The following DCHS1 variants were observed in gnomAD, a reference collection of about 807,000 sequenced individuals.
The protein encoded by DCHS1 is dachsous cadherin-related 1, also known as protocadherin-16.
In DCHS1, 78 loss-of-function variants were observed where a neutral mutation model predicts 213.9. That is an observed-to-expected ratio of 0.36 (90% confidence interval 0.30 to 0.44). The LOEUF (loss-of-function observed/expected upper bound fraction) is 0.44. Among genes scored for constraint, DCHS1 ranks in the 20% least tolerant of loss-of-function variants. The probability of loss-of-function intolerance (pLI) is 1.00; values close to 1 mark genes in which losing one functional copy is unlikely to be tolerated. For synonymous variants in DCHS1, 1,828 were observed against 1,873.7 expected, an observed-to-expected ratio of 0.98 and a Z score of 0.63; for missense variants, 3,946 against 4,395.9, an observed-to-expected ratio of 0.90 and a Z score of 2.89.
At chr11:6,624,475 G>T (rs562775973) in intron 20 of DCHS1, 85 bp from the exon 21 acceptor site, 12 of 1,425,160 alleles carry the variant, frequency 8.4e-6, no homozygotes, top group Non-Finnish European at 1.1e-5. Context: ...TCTAGGAAAT[G>T]GTTTTGGAAG....
At position 6,652,153 on chromosome 11, in the gene DCHS1, T is replaced by C. The variant is rs1856254346; in HGVS notation, c.-121+3410A>G. Among the ~76,000 whole-genome samples the C allele has an allele frequency of 2.0e-5, 3 of 152,274 alleles. No homozygotes were observed. The South Asian group carries it at 6.2e-4, about 32-fold the overall frequency. Reference sequence around the variant, plus strand: ...GCTCCAGAAGAGATACATACCATAATGTAACTTTCCACTTATTTGCCTGTT... The same window carrying C: ...GCTCCAGAAGAGATACATACCATAACGTAACTTTCCACTTATTTGCCTGTT... On this transcript the variant is annotated intron_variant, in intron 1 of 20. Coordinates refer to ENST00000299441, the MANE Select transcript of DCHS1 (RefSeq NM_003737.4).
In DCHS1 at chr11:6,621,846, G is replaced by A. The variant is rs776676202; in HGVS notation, c.9830C>T (p.Pro3277Leu). The A allele has an allele frequency of 6.2e-7, 1 of 1,610,702 alleles. No homozygotes were observed. Among genetic ancestry groups the A allele is most frequent in the South Asian group, 1.1e-5 (1 of 90,318 alleles). ...CTCTGCGCTGAGTGCTGAGGCTGAG[G>A]GACCCTGGGCCACCCCAAATGGTGA... ...VVSPFGVAQG[P>L]SASALSAESG... Residue 3277 changes from proline to leucine, a missense_variant, in exon 21 of 21, where the codon CCC becomes CTC. This residue lies in a region of DCHS1 where 554 missense variants were observed against 590.2 expected (regional missense o/e 0.94). Transcript: ENST00000299441.
Position 6,636,655 on chromosome 11 carries a change from C to T in DCHS1, c.1798-2349G>A, listed in dbSNP as rs1044586724. ...ATGCCCATCTCTCCTGCTATGACTT[C>T]TTGATGCTACTTTTCCTGCTTCTCC... On this transcript the variant is annotated intron_variant, in intron 2 of 20. Transcript: ENST00000299441. Among the ~76,000 whole-genome samples, 11 of 152,270 alleles carry T rather than the reference C, an allele frequency of 7.2e-5. No individual in the cohort carries two copies. In the South Asian group the frequency reaches 2.3e-3, roughly 32 times the overall value.
In DCHS1 at chr11:6,623,774, A is replaced by G. The variant is rs757788133; in HGVS notation, c.7902T>C (p.His2634=). The change falls in exon 21 of 21, where the codon CAT becomes CAC. Residue 2634 remains histidine (H), a synonymous_variant. Coordinates refer to ENST00000299441, the MANE Select transcript of DCHS1 (RefSeq NM_003737.4). The part of the protein sequence containing the change: ...VEASDADPGP[H]GLVRFTVSSG... ...AGCTGACAGTGAAACGCACGAGGCC[A>G]TGAGGGCCAGGGTCAGCGTCAGAGG... is the stretch of plus-strand genomic sequence containing the variant. 17 of 1,613,992 alleles carry G rather than the reference A, an allele frequency of 1.1e-5. No homozygotes were observed. Among genetic ancestry groups the G allele is most frequent in the Non-Finnish European group, 1.4e-5 (16 of 1,179,906 alleles).
In DCHS1 at chr11:6,622,900, C is replaced by A; in HGVS notation, c.8776G>T (p.Ala2926Ser). The change falls in exon 21 of 21, where the codon GCA becomes TCA. Residue 2926 changes from alanine (A) to serine (S), a missense_variant. By Grantham distance (99) the Ala-to-Ser change is moderately conservative. Around this residue, in one of 3 missense-constraint regions of DCHS1, gnomAD observed 554 missense variants for 590.2 expected, o/e 0.94. Coordinates refer to ENST00000299441, the MANE Select transcript of DCHS1 (RefSeq NM_003737.4). The surrounding 1 kb of genome is among the most constrained non-coding windows in gnomAD (Gnocchi z 5.4). ...TTGAGGTCAGGTGCCAGGCCCAGTG[C>A]GGTGTGGGTGATATCCACGGTCACA... ...VPVTVDITHT[A>S]LGLAPDLNLL... is the part of the protein sequence containing the mutation. The A allele has an allele frequency of 1.9e-6, 3 of 1,596,572 alleles. No individual in the cohort carries two copies. The highest frequency in any genetic ancestry group is 2.6e-6 in the Non-Finnish European group (3 of 1,171,696).
In DCHS1 at chr11:6,631,214, G is replaced by C. The variant is rs375153840; in HGVS notation, c.3773-4C>G. 48 of 1,611,826 alleles carry C rather than the reference G, an allele frequency of 3.0e-5. No individual in the cohort carries two copies. The African/African-American group carries it at 4.9e-4, about 17-fold the overall frequency. ...GAGAAAAGCTCTGAGCCAGGACCTG[G>C]GGACAGGCAGAGGAAGATGAGGGCT... On this transcript the variant is annotated splice_region_variant and splice_polypyrimidine_tract_variant and intron_variant, in intron 8 of 20. Transcript: ENST00000299441.
chr11:6,633,604 C>A lies in DCHS1; in HGVS notation c.2263G>T (p.Val755Leu). The part of the protein sequence containing the change: ...AWPLARRANS[V>L]VQLEIGAEDG... ...TCAGCCCCGATCTCCAGCTGCACCA[C>A]AGAATTGGCCCGTCTGGCCAAGGGC... Residue 755 changes from valine to leucine, a missense_variant, in exon 5 of 21, where the codon GTG (valine) becomes TTG (leucine). Val to Leu is a conservative substitution (Grantham distance 32). Transcript: ENST00000299441. 1 of 1,599,288 alleles carries A rather than the reference C, an allele frequency of 6.3e-7. No individual in the cohort carries two copies. The highest frequency in any genetic ancestry group is 1.1e-5 in the South Asian group (1 of 88,958).
intron 1 of DCHS1, among the ~76,000 whole-genome samples, chr11:6,642,396 G>A (rs1166464809): frequency 6.6e-6 from 1 of 152,176 alleles, no homozygotes; most frequent in African/African-American, 2.4e-5. Context: ...TGAAGAAGGC[G>A]TACAAAGAGC....
rs1323813110 is a variant in DCHS1 at position 6,641,030 on chromosome 11, G to A, written c.584C>T (p.Thr195Ile). The A allele has an allele frequency of 1.2e-6, 2 of 1,613,872 alleles. No homozygotes were observed. Among genetic ancestry groups the A allele is most frequent in the Non-Finnish European group, 1.7e-6 (2 of 1,179,906 alleles). ...TGGAGTCCCATCTGGACCGGGGCGTGTCTCCAGCCGGAAGGTCTCTCCAGC... is the reference window on the plus strand; with the variant it reads ...TGGAGTCCCATCTGGACCGGGGCGTATCTCCAGCCGGAAGGTCTCTCCAGC... Reference protein sequence around the residue: ...DGAGETFRLETRPGPDGTPVP... With the variant: ...DGAGETFRLEIRPGPDGTPVP... The change falls in exon 2 of 21, where the codon ACA (threonine) becomes ATA (isoleucine). Residue 195 changes from threonine (T) to isoleucine (I), a missense_variant. Thr to Ile is a moderately conservative substitution (Grantham distance 89). This residue lies in a region of DCHS1 where 3,384 missense variants were observed against 3,780.1 expected (regional missense o/e 0.90). Coordinates refer to ENST00000299441, the MANE Select transcript of DCHS1 (RefSeq NM_003737.4). The surrounding 1 kb of genome is among the most constrained non-coding windows in gnomAD (Gnocchi z 7.1).
At position 6,624,726 on chromosome 11, in the gene DCHS1, G is replaced by C. The variant is rs923407513; in HGVS notation, c.7285+4C>G. 6.2e-7 allele frequency: 1 copy of C among 1,613,860 alleles called. No homozygotes were observed. Among genetic ancestry groups the C allele is most frequent in the Admixed American group, 1.7e-5 (1 of 60,004 alleles). ...GCAAGGGGCAGATCCTGGGAAAGAC[G>C]CACCATTGTTGGGGTCAACACTGAA... On this transcript the variant is annotated splice_donor_region_variant and intron_variant, in intron 20 of 20. Transcript: ENST00000299441.
At chr11:6,648,874 T>G (rs148279181) in intron 1 of DCHS1, among the ~76,000 whole-genome samples, 142 of 152,316 alleles carry the variant, frequency 9.3e-4, no homozygotes, top group African/African-American at 3.3e-3. Flanking sequence ...ATTATAGTGG[T>G]TAAGAAGGCA....
At position 6,634,115 on chromosome 11, in the gene DCHS1, T is replaced by C; in HGVS notation, c.1986+3A>G. On this transcript the variant is annotated splice_donor_region_variant and intron_variant, in intron 3 of 20. Coordinates refer to ENST00000299441, the MANE Select transcript of DCHS1 (RefSeq NM_003737.4). ...CCAACCTGCCCTTGGTCTACTGACT[T>C]ACCCCATCCACAGCTGTCACTGTGA... is the stretch of plus-strand genomic sequence containing the variant. 1 of 1,602,250 alleles carries C rather than the reference T, an allele frequency of 6.2e-7. No homozygotes were observed. The highest frequency in any genetic ancestry group is 8.5e-7 in the Non-Finnish European group (1 of 1,172,632).
chr11:6,623,873 G>C lies in DCHS1; in HGVS notation c.7803C>G (p.Val2601=). 1 of 1,611,142 alleles carries C rather than the reference G, an allele frequency of 6.2e-7. No homozygotes were observed. The highest frequency in any genetic ancestry group is 8.5e-7 in the Non-Finnish European group (1 of 1,177,706). ...TVLDVNDNPP[V]FTRASYRVTV... is the part of the protein sequence containing the mutation. ...TCACACGGTAGGATGCTCGGGTAAA[G>C]ACAGGTGGGTTGTCATTGACATCTA... Residue 2601 remains valine (V), a synonymous_variant, in exon 21 of 21, where the codon GTC becomes GTG. Transcript: ENST00000299441.
chr11:6,628,862 C>A lies in DCHS1; in HGVS notation c.5162-32G>T. On this transcript the variant is annotated intron_variant, in intron 12 of 20. Coordinates refer to ENST00000299441, the MANE Select transcript of DCHS1 (RefSeq NM_003737.4). The surrounding 1 kb of genome is among the most constrained non-coding windows in gnomAD (Gnocchi z 4.3). Reference sequence around the variant, plus strand: ...GGAAGCAAAATCAATGAGGTCTAGTCTGCCCTCACCACATGGAGAAATCCA... The same window carrying A: ...GGAAGCAAAATCAATGAGGTCTAGTATGCCCTCACCACATGGAGAAATCCA... 6.3e-7 allele frequency: 1 copy of A among 1,588,794 alleles called. No homozygotes were observed. The highest frequency in any genetic ancestry group is 1.1e-5 in the South Asian group (1 of 88,106).
In DCHS1 at chr11:6,632,463, T is replaced by A. The variant is rs779525379; in HGVS notation, c.3049A>T (p.Thr1017Ser). 1.0e-5 allele frequency: 16 copies of A among 1,594,716 alleles called. No individual in the cohort carries two copies. In the South Asian group the frequency reaches 1.8e-4, roughly 18 times the overall value. The change falls in exon 6 of 21, where the codon ACT (threonine) becomes TCT (serine). Residue 1017 changes from threonine to serine, a missense_variant. By Grantham distance (58) the Thr-to-Ser change is moderately conservative (BLOSUM62 1). Coordinates refer to ENST00000299441, the MANE Select transcript of DCHS1 (RefSeq NM_003737.4). The surrounding 1 kb of genome is among the most constrained non-coding windows in gnomAD (Gnocchi z 5.9). ...TGGGCCTGCACTTGCAGGACCTGAG[T>A]TCCAGCAGTGGTGCCTGAGGGCAGG... ...VDLPSGTTAG[T>S]QVLQVQAQAP... is the part of the protein sequence containing the mutation.
In DCHS1 at chr11:6,625,587, C is replaced by G. The variant is rs1053839485; in HGVS notation, c.6862+10G>C. ...CCACCCTTTATGCCACCCACTTTAC[C>G]CAGCCTCACCTTCTGACACTCGGAG... On this transcript the variant is annotated intron_variant, in intron 18 of 20. Coordinates refer to ENST00000299441, the MANE Select transcript of DCHS1 (RefSeq NM_003737.4). The surrounding 1 kb of genome is among the most constrained non-coding windows in gnomAD (Gnocchi z 5.3). 1 of 1,613,558 alleles carries G rather than the reference C, an allele frequency of 6.2e-7. No homozygotes were observed. The highest frequency in any genetic ancestry group is 1.7e-5 in the Admixed American group (1 of 59,928).
Position 6,632,394 on chromosome 11 carries a change from C to T in DCHS1, c.3118G>A (p.Gly1040Arg), listed in dbSNP as rs1162010469. 6.2e-7 allele frequency: 1 copy of T among 1,613,834 alleles called. No individual in the cohort carries two copies. The highest frequency in any genetic ancestry group is 8.5e-7 in the Non-Finnish European group (1 of 1,179,782). The change falls in exon 6 of 21, where the codon GGA (glycine) becomes AGA (arginine). Residue 1040 changes from glycine to arginine, a missense_variant. Gly to Arg is a moderately radical substitution (Grantham distance 125). Around this residue, in one of 3 missense-constraint regions of DCHS1, gnomAD observed 3,384 missense variants for 3,780.1 expected, o/e 0.90. Transcript: ENST00000299441. This position sits in a 1 kb window ranked among gnomAD's most constrained non-coding sequence, Gnocchi z 5.9. ...GPITYHLAAEGASSPFGLEPQ... is the reference protein window; with the variant it reads ...GPITYHLAAERASSPFGLEPQ... ...TCCAGGCCAAAGGGGCTACTTGCTC[C>T]CTCTGCTGCAAGGTGATAGGTGATA...
At chr11:6,635,379 C>T (rs1444088582) in intron 2 of DCHS1, among the ~76,000 whole-genome samples, 1 of 152,180 alleles carries the variant, frequency 6.6e-6, no homozygotes, top group Non-Finnish European at 1.5e-5. Context: ...ATTGGGTACA[C>T]ATTAGGCCCT....
chr11:6,642,670 AG>A (rs1010294535), intron 1 of DCHS1, among the ~76,000 whole-genome samples: 1 of 152,046 alleles, frequency 6.6e-6, no homozygotes, highest in Non-Finnish European at 1.5e-5. Context: ...GCATAGTGCT[AG>A]GGGCAGAGGG....
Sources: gnomAD v4.1 joint callset for allele counts (sites outside exome capture counted in the v4.1 genomes callset) on GRCh38, gnomAD v4.1.1 for gene constraint, gnomAD v4.1.1 regional missense constraint, Gnocchi (gnomAD v3.1) non-coding constraint, MANE v1.5 for transcripts, NCBI Gene and HGNC (gene_info 2026-07-23, HGNC 2026-07-21) for gene names.